The following CYP21A2 variants were observed in gnomAD, a reference collection of about 807,000 sequenced individuals.
CYP21A2 encodes steroid 21-hydroxylase.
Under a neutral mutation model 47.4 loss-of-function variants are expected in CYP21A2, and 24 were observed. The observed-to-expected ratio is 0.51, with a 90% CI of 0.37 to 0.71. CYP21A2 has a LOEUF of 0.71. CYP21A2 is among the 30% of genes least tolerant of loss of function. The pLI is 0.00. For missense variants in CYP21A2, 358 were observed against 643.2 expected (o/e 0.56, Z 4.80); for synonymous variants, 130 against 273.9 (o/e 0.47, Z 5.19).
In CYP21A2 at chr6:32,038,538, A is replaced by T. The variant is rs1030467767; in HGVS notation, c.116A>T (p.His39Leu). 10 of 1,606,344 alleles carry T rather than the reference A, an allele frequency of 6.2e-6. No homozygotes were observed. The highest frequency in any genetic ancestry group is 8.5e-6 in the Non-Finnish European group (10 of 1,176,176). ...CCGCCTCTTGCCCCGGGCTTCTTGC[A>T]CCTGCTGCAGCCCGACCTCCCCATC... The part of the protein sequence containing the change: ...HLPPLAPGFL[H>L]LLQPDLPIYL... Residue 39 changes from histidine to leucine, a missense_variant, in exon 1 of 10, where the codon CAC becomes CTC. His to Leu is a moderately conservative substitution (Grantham distance 99, BLOSUM62 -3). Coordinates refer to ENST00000644719, the MANE Select transcript of CYP21A2 (RefSeq NM_000500.9).
chr6:32,041,356 C>T lies in CYP21A2; in HGVS notation c.*222C>T. The stretch of plus-strand genomic sequence containing the variant: ...AGAGAGGTGGGCAGCAGCTCAGCCT[C>T]CCCCCGCTGGGGAGCGAAAGTTTCT... On this transcript the variant is annotated 3_prime_UTR_variant, in exon 10 of 10. Coordinates refer to ENST00000644719, the MANE Select transcript of CYP21A2 (RefSeq NM_000500.9). 1 of 934,044 alleles carries T rather than the reference C, an allele frequency of 1.1e-6. No individual in the cohort carries two copies. The highest frequency in any genetic ancestry group is 1.7e-6 in the Non-Finnish European group (1 of 587,728). 57.9% of individuals were successfully genotyped at this position (934,044 alleles called of 1,614,324 possible). A position where few individuals can be genotyped will look rare whatever the true frequency, so the allele number is the denominator to read the frequency against.
In CYP21A2 at chr6:32,039,199, G is replaced by C; in HGVS notation, c.398G>C (p.Arg133Pro). Reference sequence around the variant, plus strand: ...CGCTCAGCCCTGCTGCTGGGCATCCGTGACTCCATGGAGCCAGTGGTGGAG... The same window carrying C: ...CGCTCAGCCCTGCTGCTGGGCATCCCTGACTCCATGGAGCCAGTGGTGGAG... ...LTRSALLLGI[R>P]DSMEPVVEQL... Residue 133 changes from arginine (R) to proline (P), a missense_variant, in exon 3 of 10, where the codon CGT becomes CCT. Arg to Pro is a moderately radical substitution (Grantham distance 103). Coordinates refer to ENST00000644719, the MANE Select transcript of CYP21A2 (RefSeq NM_000500.9). 6.3e-7 allele frequency: 1 copy of C among 1,595,690 alleles called. No individual in the cohort carries two copies. Among genetic ancestry groups the C allele is most frequent in the Non-Finnish European group, 8.5e-7 (1 of 1,171,110 alleles).
chr6:32,040,184 T>A lies in CYP21A2; in HGVS notation c.918T>A (p.Val306=). ...TTANTLSWAV[V]FLLHHPEIQQ... is the part of the protein sequence containing the mutation. ...CAAACACCCTCTCCTGGGCCGTGGT[T>A]TTTTTGCTTCACCACCCTGAGGTGC... Residue 306 remains valine, a synonymous_variant, in exon 7 of 10, where the codon GTT becomes GTA. Transcript: ENST00000644719. 1 of 1,612,810 alleles carries A rather than the reference T, an allele frequency of 6.2e-7. No individual in the cohort carries two copies. Among genetic ancestry groups the A allele is most frequent in the Non-Finnish European group, 8.5e-7 (1 of 1,179,844 alleles).
chr6:32,041,455 G>C lies in CYP21A2; in HGVS notation c.*321G>C. On this transcript the variant is annotated 3_prime_UTR_variant, in exon 10 of 10. Coordinates refer to ENST00000644719, the MANE Select transcript of CYP21A2 (RefSeq NM_000500.9). The stretch of plus-strand genomic sequence containing the variant: ...CCAGTGGTACCAGCTCACTCCCTGG[G>C]AAAGGGGTTGTCAAGAGAGAGTCAA... The C allele has an allele frequency of 1.0e-6, 1 of 979,998 alleles. No homozygotes were observed. 60.7% of individuals were successfully genotyped at this position (979,998 alleles called of 1,614,324 possible). A position where few individuals can be genotyped will look rare whatever the true frequency, so the allele number is the denominator to read the frequency against.
At chr6:32,040,370 G>C in intron 7 of CYP21A2, 36 bp from the exon 8 acceptor site, 1 of 1,611,634 alleles carries the variant, frequency 6.2e-7, no homozygotes, top group Non-Finnish European at 8.5e-7. Context: ...GCAGCTGTGG[G>C]CTGCTGGGGC....
chr6:32,038,921 C>G, intron 2 of CYP21A2, 110 bp downstream of exon 2: 4 of 1,387,798 alleles, frequency 2.9e-6, no homozygotes, highest in Non-Finnish European at 4.0e-6. Flanking sequence ...ATGATCCTCC[C>G]ACCTCAGCCT....
chr6:32,041,198 T>G lies in CYP21A2; in HGVS notation c.*64T>G. The stretch of plus-strand genomic sequence containing the variant: ...CCTTTATTGCTCCCGTACGAACCCC[T>G]CCCCTCCCCCCTGTAAACACAGTGC... On this transcript the variant is annotated 3_prime_UTR_variant, in exon 10 of 10. Transcript: ENST00000644719. The G allele has an allele frequency of 1.0e-6, 1 of 979,978 alleles. No individual in the cohort carries two copies. The highest frequency in any genetic ancestry group is 1.3e-5 in the South Asian group (1 of 77,570). 60.7% of individuals were successfully genotyped at this position (979,978 alleles called of 1,614,324 possible).
rs1186847345 is a variant in CYP21A2, at chr6:32,040,182, G to T, written c.916G>T (p.Val306Phe). The T allele has an allele frequency of 1.2e-6, 2 of 1,612,746 alleles. No homozygotes were observed. Among genetic ancestry groups the T allele is most frequent in the East Asian group, 2.2e-5 (1 of 44,868 alleles). Residue 306 changes from valine to phenylalanine, a missense_variant, in exon 7 of 10, where the codon GTT (valine) becomes TTT (phenylalanine). Transcript: ENST00000644719. Reference sequence around the variant, plus strand: ...AGCAAACACCCTCTCCTGGGCCGTGGTTTTTTTGCTTCACCACCCTGAGGT... The same window carrying T: ...AGCAAACACCCTCTCCTGGGCCGTGTTTTTTTTGCTTCACCACCCTGAGGT... Reference protein sequence around the residue: ...TTANTLSWAVVFLLHHPEIQQ... With the variant: ...TTANTLSWAVFFLLHHPEIQQ...
Position 32,039,576 on chromosome 6 carries a change from T to A in CYP21A2, c.580T>A (p.Cys194Ser). ...DDNLMPAYYK[C>S]IQEVLKTWSH... ...CAACTTAATGCCTGCCTATTACAAA[T>A]GTATCCAGGAGGTGTTAAAAACCTG... is the stretch of plus-strand genomic sequence containing the variant. The change falls in exon 5 of 10, where the codon TGT becomes AGT. Residue 194 changes from cysteine to serine, a missense_variant. Transcript: ENST00000644719. 1 of 1,580,654 alleles carries A rather than the reference T, an allele frequency of 6.3e-7. No individual in the cohort carries two copies.
chr6:32,039,143 C>T lies in CYP21A2; in HGVS notation c.342C>T (p.Ser114=), dbSNP rs193922546. Reference sequence around the variant, plus strand: ...CGGACCTGTCCTTGGGAGACTACTCCCTGCTCTGGAAAGCCCACAAGAAGC... The same window carrying T: ...CGGACCTGTCCTTGGGAGACTACTCTCTGCTCTGGAAAGCCCACAAGAAGC... The part of the protein sequence containing the change: ...NYPDLSLGDY[S]LLWKAHKKLT... Residue 114 remains serine (S), a synonymous_variant, in exon 3 of 10, where the codon TCC becomes TCT. Coordinates refer to ENST00000644719, the MANE Select transcript of CYP21A2 (RefSeq NM_000500.9). 4.7e-5 allele frequency: 76 copies of T among 1,611,420 alleles called. No individual in the cohort carries two copies. The highest frequency in any genetic ancestry group is 2.8e-4 in the Admixed American group (17 of 59,752).
rs1554299737 is a variant in CYP21A2, at chr6:32,039,807, T to A, written c.710T>A (p.Ile237Asn). Residue 237 changes from isoleucine (I) to asparagine (N), a missense_variant, in exon 6 of 10, where the codon ATC becomes AAC. Coordinates refer to ENST00000644719, the MANE Select transcript of CYP21A2 (RefSeq NM_000500.9). The stretch of plus-strand genomic sequence containing the variant: ...CAGGCCATAGAGAAGAGGGATCACA[T>A]CGTGGAGATGCAGCTGAGGCAGCAC... ...LKQAIEKRDH[I>N]VEMQLRQHKE... The A allele has an allele frequency of 2.5e-6, 4 of 1,613,944 alleles. No homozygotes were observed. Among genetic ancestry groups the A allele is most frequent in the African/African-American group, 2.7e-5 (2 of 75,032 alleles).
chr6:32,040,502 C>T lies in CYP21A2; in HGVS notation c.1036C>T (p.Leu346Phe), dbSNP rs1776229961. ...PYKDRARLPL[L>F]NATIAEVLRL... is the part of the protein sequence containing the mutation. Reference sequence around the variant, plus strand: ...CAAGGACCGTGCACGGCTGCCCTTGCTCAATGCCACCATCGCCGAGGTGCT... The same window carrying T: ...CAAGGACCGTGCACGGCTGCCCTTGTTCAATGCCACCATCGCCGAGGTGCT... The change falls in exon 8 of 10, where the codon CTC becomes TTC. Residue 346 changes from leucine (L) to phenylalanine (F), a missense_variant. By Grantham distance (22) the Leu-to-Phe change is conservative. Transcript: ENST00000644719. 1.2e-6 allele frequency: 2 copies of T among 1,613,520 alleles called. No individual in the cohort carries two copies. The highest frequency in any genetic ancestry group is 1.1e-5 in the South Asian group (1 of 91,080).
At chr6:32,038,949 T>C (rs1238103045) in intron 2 of CYP21A2, 138 bp downstream of exon 2, 10 of 1,496,682 alleles carry the variant, frequency 6.7e-6, no homozygotes, top group East Asian at 4.9e-5. Flanking sequence ...GAGCCACCTT[T>C]GGGGCATCCC....
chr6:32,039,012 A>C (rs1562755922), intron 2 of CYP21A2, 82 bp from the exon 3 acceptor site: 3 of 1,552,752 alleles, frequency 1.9e-6, no homozygotes, highest in Non-Finnish European at 8.7e-7. Context: ...GGGAGAAAGC[A>C]GGGGTTGGGG....
chr6:32,041,535 C>T lies in CYP21A2; in HGVS notation c.*401C>T. ...CCCCTTAAGGAGGTAGCTCCCAGCA[C>T]TCAACCAACCTCCCCGCAGAGCTCC... On this transcript the variant is annotated 3_prime_UTR_variant, in exon 10 of 10. Coordinates refer to ENST00000644719, the MANE Select transcript of CYP21A2 (RefSeq NM_000500.9). 1 of 1,101,010 alleles carries T rather than the reference C, an allele frequency of 9.1e-7. No individual in the cohort carries two copies. Among genetic ancestry groups the T allele is most frequent in the East Asian group, 2.6e-5 (1 of 39,194 alleles). The allele number at this position is 1,101,010 out of a possible 1,614,324, so 68.2% of individuals were successfully genotyped here.
Position 32,038,811 on chromosome 6 carries a change from T to A in CYP21A2, c.292T>A (p.Tyr98Asn), listed in dbSNP as rs755085518. The change falls in exon 2 of 10, where the codon TAC (tyrosine) becomes AAC (asparagine). Residue 98 changes from tyrosine (Y) to asparagine (N), a missense_variant and splice_region_variant. Tyr to Asn is a moderately radical substitution (Grantham distance 143). Coordinates refer to ENST00000644719, the MANE Select transcript of CYP21A2 (RefSeq NM_000500.9). Reference sequence around the variant, plus strand: ...TGCTGGCAGACCTGAGCCACTTACCTGTAAGGGCCGGGGGCATTTTTTCTT... The same window carrying A: ...TGCTGGCAGACCTGAGCCACTTACCAGTAAGGGCCGGGGGCATTTTTTCTT... ...DFAGRPEPLT[Y>N]KLVSRNYPDL... The A allele has an allele frequency of 4.9e-6, 7 of 1,424,300 alleles. No individual in the cohort carries two copies. The highest frequency in any genetic ancestry group is 6.9e-6 in the Non-Finnish European group (7 of 1,015,560). 88.2% of individuals were successfully genotyped at this position (1,424,300 alleles called of 1,614,324 possible).
At position 32,039,205 on chromosome 6, in the gene CYP21A2, C is replaced by T. The variant is rs1215963909; in HGVS notation, c.404C>T (p.Ser135Phe). The stretch of plus-strand genomic sequence containing the variant: ...GCCCTGCTGCTGGGCATCCGTGACT[C>T]CATGGAGCCAGTGGTGGAGCAGCTG... ...RSALLLGIRD[S>F]MEPVVEQLTQ... is the part of the protein sequence containing the mutation. The change falls in exon 3 of 10, where the codon TCC becomes TTC. Residue 135 changes from serine (S) to phenylalanine (F), a missense_variant. Coordinates refer to ENST00000644719, the MANE Select transcript of CYP21A2 (RefSeq NM_000500.9). 6.3e-7 allele frequency: 1 copy of T among 1,592,162 alleles called. No individual in the cohort carries two copies. Among genetic ancestry groups the T allele is most frequent in the Non-Finnish European group, 8.6e-7 (1 of 1,169,318 alleles).
chr6:32,039,276 G>A lies in CYP21A2; in HGVS notation c.447+28G>A, dbSNP rs752527048. The A allele has an allele frequency of 1.9e-5, 30 of 1,572,010 alleles. 1 individual carries two copies. The Middle Eastern group carries it at 2.4e-3, about 127-fold the overall frequency. ...AAGGCTGGGCTCCTGAGGCCACCTC[G>A]GGTCAGCCTCGCCTCTCACAGTAGC... On this transcript the variant is annotated intron_variant, in intron 3 of 9. Coordinates refer to ENST00000644719, the MANE Select transcript of CYP21A2 (RefSeq NM_000500.9).
chr6:32,038,963 T>C, intron 2 of CYP21A2, 131 bp from the exon 3 acceptor site: 1 of 1,524,952 alleles, frequency 6.6e-7, no homozygotes, highest in Non-Finnish European at 8.9e-7. Flanking sequence ...GCATCCCCAA[T>C]CCAGGTCCCT....
Sources: gnomAD v4.1 joint callset for allele counts on GRCh38, gnomAD v4.1.1 for gene constraint, MANE v1.5 for transcripts, NCBI Gene and HGNC (gene_info 2026-07-23, HGNC 2026-07-21) for gene names.